The following PRTG variants were observed in gnomAD, a reference collection of about 807,000 sequenced individuals.
PRTG encodes protogenin, also known as immunoglobulin superfamily, DCC subclass, member 5.
A neutral mutation model predicts 122.5 loss-of-function variants in PRTG; 67 were observed. The observed-to-expected ratio is 0.55, with a 90% confidence interval of 0.45 to 0.67. PRTG has a LOEUF of 0.67. Ranked by LOEUF, PRTG falls within the 30% of genes least tolerant of loss-of-function variation. The pLI is 0.00. For synonymous variants in PRTG, 554 were observed against 501.1 expected (o/e 1.11, Z -1.41); for missense variants, 1,435 against 1,415.4 (o/e 1.01, Z -0.22).
At chr15:55,636,927 G>A (rs1055628001) in intron 15 of PRTG, among the ~76,000 whole-genome samples, 6 of 152,184 alleles carry the variant, frequency 3.9e-5, no homozygotes, top group African/African-American at 1.2e-4. Context: ...GATTACAGGC[G>A]TGAGCCACTG....
chr15:55,649,309 A>C (rs2059340995), intron 11 of PRTG, among the ~76,000 whole-genome samples: 1 of 152,160 alleles, frequency 6.6e-6, no homozygotes, highest in Non-Finnish European at 1.5e-5. Context: ...CATTACTATG[A>C]AACTTGGAGA....
chr15:55,734,825 C>T (rs537330612), intron 2 of PRTG, among the ~76,000 whole-genome samples: 3 of 152,206 alleles, frequency 2.0e-5, no homozygotes, highest in South Asian at 2.1e-4. Context: ...GTGAGGATGA[C>T]GCCTTTATCC....
rs773935367 is a variant in PRTG, at chr15:55,614,002, GCAT to G, written c.*6007_*6009del. The G allele has an allele frequency of 1.3e-5, 2 of 152,032 alleles. No homozygotes were observed. Among genetic ancestry groups the G allele is most frequent in the Non-Finnish European group, 2.9e-5 (2 of 67,940 alleles). The allele number at this position is 152,032 out of a possible 1,614,324, so 9.4% of individuals were successfully genotyped here. On this transcript the variant is annotated 3_prime_UTR_variant, in exon 20 of 20. Transcript: ENST00000389286. ...GCACACTGTAGATGCTCAACAAATGGCATCATATTACTTCCTAGAGTCGGGAGA... is the reference window on the plus strand; with the variant it reads ...GCACACTGTAGATGCTCAACAAATGGCATATTACTTCCTAGAGTCGGGAGA...
At chr15:55,731,243 T>C (rs888366721) in intron 2 of PRTG, among the ~76,000 whole-genome samples, 2 of 151,246 alleles carry the variant, frequency 1.3e-5, no homozygotes, top group Non-Finnish European at 2.9e-5. Flanking sequence ...TCTCTTCCTA[T>C]TGTAAGTCCA....
At chr15:55,741,444 G>A (rs2031604405) in intron 1 of PRTG, among the ~76,000 whole-genome samples, 1 of 152,190 alleles carries the variant, frequency 6.6e-6, no homozygotes, top group Non-Finnish European at 1.5e-5. Context: ...ATAGGGATAG[G>A]AGATCGCTTA....
At chr15:55,693,799 A>G (rs893629307) in intron 2 of PRTG, among the ~76,000 whole-genome samples, 18 of 152,210 alleles carry the variant, frequency 1.2e-4, no homozygotes, top group Non-Finnish European at 7.3e-5. Context: ...GTTACCTAGT[A>G]AACTCCTAGC....
intron 11 of PRTG, among the ~76,000 whole-genome samples, chr15:55,644,124 C>T (rs144566495): frequency 6.6e-5 from 10 of 152,246 alleles, no homozygotes; most frequent in Non-Finnish European, 1.3e-4. Flanking sequence ...CAGGTGTGAG[C>T]CAGCACGCCC....
rs562269270 is a variant in PRTG, at chr15:55,709,307, A to G, written c.398-25376T>C. The stretch of plus-strand genomic sequence containing the variant: ...CTTTTGGGAGACCCATAACAAAAAG[A>G]AAGTGCTGACAAGTTTTTTTAAAAA... On this transcript the variant is annotated intron_variant, in intron 2 of 19. Transcript: ENST00000389286. Among the ~76,000 whole-genome samples, 7 of 147,876 alleles carry G rather than the reference A, an allele frequency of 4.7e-5. 1 individual carries two copies. In the Admixed American group the frequency reaches 4.7e-4, roughly 10 times the overall value.
intron 2 of PRTG, chr15:55,702,876 T>C (rs2029944960): frequency 4.1e-6 from 4 of 983,740 alleles, no homozygotes; most frequent in Non-Finnish European, 4.8e-6. Flanking sequence ...ACACACAGGA[T>C]TGCAATTCGG....
chr15:55,702,973 G>C (rs540465937), intron 2 of PRTG: 2 of 967,834 alleles, frequency 2.1e-6, no homozygotes, highest in Non-Finnish European at 2.5e-6. Flanking sequence ...AACCTATCTT[G>C]GGAATTCTCA....
chr15:55,667,025 G>C lies in PRTG; in HGVS notation c.2041+5420C>G, dbSNP rs536213925. Among the ~76,000 whole-genome samples the C allele has an allele frequency of 7.2e-5, 11 of 152,196 alleles. No homozygotes were observed. The South Asian group carries it at 2.3e-3, about 32-fold the overall frequency. On this transcript the variant is annotated intron_variant, in intron 11 of 19. Transcript: ENST00000389286. The stretch of plus-strand genomic sequence containing the variant: ...GTTTCTATAATAGAACATTGTAAAT[G>C]ATGTACCATGGAATGACTGACACCA...
At chr15:55,640,926 G>A (rs1002257560) in intron 12 of PRTG, among the ~76,000 whole-genome samples, 187 bp downstream of exon 12, 6 of 151,784 alleles carry the variant, frequency 4.0e-5, no homozygotes, top group African/African-American at 1.5e-4. Flanking sequence ...GCTGAGGCAG[G>A]AGAATCGCTT....
intron 12 of PRTG, 79 bp downstream of exon 12, chr15:55,641,034 G>A (rs151255566): frequency 4.2e-6 from 4 of 961,402 alleles, no homozygotes; most frequent in East Asian, 4.8e-5. Flanking sequence ...AAGTAGTAGT[G>A]AGACTGTAAC....
intron 16 of PRTG, among the ~76,000 whole-genome samples, chr15:55,627,382 G>A (rs2059201082): frequency 1.4e-5 from 2 of 147,836 alleles, no homozygotes; most frequent in South Asian, 4.3e-4. Context: ...CTAGTGCAGT[G>A]GCGCAATCTC....
intron 2 of PRTG, among the ~76,000 whole-genome samples, chr15:55,697,637 G>C (rs959192343): frequency 1.3e-5 from 2 of 151,984 alleles, no homozygotes; most frequent in Admixed American, 1.3e-4. Context: ...GATTACAGGC[G>C]CACTACACCA....
chr15:55,723,325 T>A (rs1396380479), intron 2 of PRTG, among the ~76,000 whole-genome samples: 1 of 150,112 alleles, frequency 6.7e-6, no homozygotes, highest in African/African-American at 2.5e-5. Flanking sequence ...AAGATAAAAA[T>A]TTCAAATGTT....
chr15:55,730,943 TC>T (rs1487096288), intron 2 of PRTG, among the ~76,000 whole-genome samples: 11 of 152,222 alleles, frequency 7.2e-5, no homozygotes, highest in Admixed American at 7.2e-4. Context: ...GAAGTTGCGA[TC>T]TTTACTTAAG....
chr15:55,743,152 T>TGAGGCGGCGGCTGCAGAGGGCG (rs1277762542), upstream of PRTG: 176 of 1,240,806 alleles, frequency 1.4e-4, no homozygotes, highest in Non-Finnish European at 1.7e-4. Flanking sequence ...GGGGGCGGAG[T>TGAGGCGGCGGCTGCAGAGGGCG]GAGGCGGCGG....
intron 2 of PRTG, among the ~76,000 whole-genome samples, chr15:55,684,628 T>C (rs371014229): frequency 3.9e-5 from 6 of 152,092 alleles, no homozygotes; most frequent in African/African-American, 1.4e-4. Flanking sequence ...CTAATCAGGA[T>C]GGATAGAATA....
Sources: allele counts gnomAD v4.1 joint callset (sites outside exome capture counted in the v4.1 genomes callset), GRCh38; gene constraint gnomAD v4.1.1; transcripts MANE v1.5; gene names NCBI Gene and HGNC (gene_info 2026-07-23, HGNC 2026-07-21).